KLF12: variants seen among roughly 807,000 people sequenced by gnomAD.
The protein encoded by KLF12 is KLF transcription factor 12.
Under a neutral mutation model 37.8 loss-of-function variants are expected in KLF12, and 9 were observed. That is an observed-to-expected ratio of 0.24 (90% CI 0.14 to 0.42). The LOEUF (loss-of-function observed/expected upper bound fraction) is 0.42. Among genes scored for constraint, KLF12 ranks in the 10% least tolerant of loss-of-function variants. The pLI is 1.00. For missense variants in KLF12, 411 were observed against 516.0 expected (o/e 0.80, Z 1.97); for synonymous variants, 208 against 202.1 (o/e 1.03, Z -0.25).
intron 3 of KLF12, among the ~76,000 whole-genome samples, chr13:73,922,857 TG>T (rs1477505691): frequency 6.6e-6 from 1 of 152,184 alleles, no homozygotes; most frequent in Non-Finnish European, 1.5e-5. Context: ...GGCTCCTGAT[TG>T]GCCAGGTTAG....
intron 7 of KLF12, among the ~76,000 whole-genome samples, chr13:73,697,535 A>G (rs1247271914): frequency 1.3e-5 from 2 of 152,226 alleles, no homozygotes. Context: ...GAAAGATTGG[A>G]GGTCTACTAT....
chr13:74,302,838 G>A, the KLF12 span, among the ~76,000 whole-genome samples: 1 of 152,082 alleles, frequency 6.6e-6, no homozygotes, highest in African/African-American at 2.4e-5. Context: ...AGGTGGGGGT[G>A]CTGCTTCCAA....
intron 3 of KLF12, among the ~76,000 whole-genome samples, chr13:73,848,328 A>G (rs1186215853): frequency 6.6e-6 from 1 of 152,046 alleles, no homozygotes; most frequent in Non-Finnish European, 1.5e-5. Context: ...ATAAATGCGG[A>G]CCTTATCTGT....
chr13:74,149,053 G>C, the KLF12 span, among the ~76,000 whole-genome samples: 1 of 152,098 alleles, frequency 6.6e-6, no homozygotes, highest in East Asian at 1.9e-4. Flanking sequence ...GACCTCAGCT[G>C]GTCTGCCAGT....
the KLF12 span, among the ~76,000 whole-genome samples, chr13:74,200,681 T>C: frequency 6.6e-6 from 1 of 152,144 alleles, no homozygotes; most frequent in Non-Finnish European, 1.5e-5. Context: ...ATAGAGATCA[T>C]CAGGACTGGT....
chr13:73,733,240 A>G (rs1877204025), intron 6 of KLF12, among the ~76,000 whole-genome samples: 1 of 152,120 alleles, frequency 6.6e-6, no homozygotes, highest in Non-Finnish European at 1.5e-5. Flanking sequence ...ACCATCACCA[A>G]TATTTACATG....
chr13:73,817,054 C>T (rs1220046595), intron 4 of KLF12, among the ~76,000 whole-genome samples: 2 of 152,152 alleles, frequency 1.3e-5, no homozygotes, highest in African/African-American at 4.8e-5. Flanking sequence ...GTGGCTCACA[C>T]CACTGTAATC....
At chr13:73,980,702 G>A (rs1424445910) in intron 2 of KLF12, among the ~76,000 whole-genome samples, 1 of 152,102 alleles carries the variant, frequency 6.6e-6, no homozygotes, top group Non-Finnish European at 1.5e-5. Context: ...AGAAGCTGAA[G>A]TCCAAATAAT....
intron 1 of KLF12, among the ~76,000 whole-genome samples, chr13:74,060,496 G>GTGTGTGTGTGTGTGTGTGTGTC (rs1873525287): frequency 7.0e-6 from 1 of 141,946 alleles, no homozygotes; most frequent in Non-Finnish European, 1.5e-5. Context: ...GTGTGTGTGT[G>GTGTGTGTGTGTGTGTGTGTGTC]TGTGTGTGTG....
intron 1 of KLF12, among the ~76,000 whole-genome samples, chr13:74,075,314 G>C (rs796854855): frequency 2.0e-5 from 3 of 152,118 alleles, no homozygotes; most frequent in Admixed American, 2.0e-4. Flanking sequence ...CAGATAAAAG[G>C]TAAGCTAGGT....
intron 3 of KLF12, among the ~76,000 whole-genome samples, chr13:73,887,213 T>C (rs1185436574): frequency 2.0e-5 from 3 of 152,136 alleles, no homozygotes; most frequent in Non-Finnish European, 4.4e-5. Flanking sequence ...ATAAATTGTC[T>C]AAAGTCATTC....
At chr13:73,777,306 C>T (rs1880667860) in intron 5 of KLF12, among the ~76,000 whole-genome samples, 1 of 152,102 alleles carries the variant, frequency 6.6e-6, no homozygotes, top group African/African-American at 2.4e-5. Context: ...GGGGTACATC[C>T]CAGAAGGTAC....
At chr13:73,963,284 TACACACACACACACACACAC>T (rs10543490) in intron 2 of KLF12, among the ~76,000 whole-genome samples, 1 of 145,164 alleles carries the variant, frequency 6.9e-6, no homozygotes, top group Non-Finnish European at 1.5e-5. Flanking sequence ...GAGTCATTTA[TACACACACACACACACACAC>T]ACACACACAC....
At chr13:73,908,545 A>T (rs1888422217) in intron 3 of KLF12, among the ~76,000 whole-genome samples, 1 of 147,370 alleles carries the variant, frequency 6.8e-6, no homozygotes, top group Non-Finnish European at 1.5e-5. Flanking sequence ...TGATGGCATG[A>T]TCTCGGCTCA....
chr13:74,258,161 TTGTGTGTGTGTGTGTGTGTGTGTGTG>T, the KLF12 span: 1 of 133,834 alleles, frequency 7.5e-6, no homozygotes, highest in African/African-American at 3.0e-5. Context: ...ATTACTGTGT[TTGTGTGTGTGTGTGTGTGTGTGTGTG>T]TGTGTGTGTG....
intron 3 of KLF12, among the ~76,000 whole-genome samples, chr13:73,930,764 ATTTT>A (rs1368236024): frequency 6.6e-6 from 1 of 151,842 alleles, no homozygotes; most frequent in East Asian, 1.9e-4. Context: ...GACAGTAGCA[ATTTT>A]TTCCTGATAA....
At chr13:73,977,840 A>G (rs1891578456) in intron 2 of KLF12, among the ~76,000 whole-genome samples, 1 of 152,252 alleles carries the variant, frequency 6.6e-6, no homozygotes, top group African/African-American at 2.4e-5. Context: ...ACTAATCTTT[A>G]ACAAAGGTGC....
the KLF12 span, among the ~76,000 whole-genome samples, chr13:74,173,190 A>C: frequency 1.3e-5 from 2 of 152,202 alleles, no homozygotes; most frequent in Non-Finnish European, 2.9e-5. Flanking sequence ...GACAATCATC[A>C]CTGGTCCATA....
rs1185310923 is a variant in KLF12 at position 73,688,817 on chromosome 13, T to A, written c.*6673A>T. On this transcript the variant is annotated 3_prime_UTR_variant, in exon 8 of 8. Coordinates refer to ENST00000377669, the MANE Select transcript of KLF12 (RefSeq NM_007249.5). The stretch of plus-strand genomic sequence containing the variant: ...TAATAAAATTACTGAGAGTCAGGAA[T>A]CTGGGAAGGTGGTTTCGGGACACCC... The A allele has an allele frequency of 6.6e-6, 1 of 152,150 alleles. No homozygotes were observed. The highest frequency in any genetic ancestry group is 1.5e-5 in the Non-Finnish European group (1 of 68,032). The allele number at this position is 152,150 out of a possible 1,614,324, so 9.4% of individuals were successfully genotyped here. A position where few individuals can be genotyped will look rare whatever the true frequency, so the allele number is the denominator to read the frequency against.
Sources: allele counts gnomAD v4.1 joint callset (sites outside exome capture counted in the v4.1 genomes callset), GRCh38; gene constraint gnomAD v4.1.1; transcripts MANE v1.5; gene names NCBI Gene and HGNC (gene_info 2026-07-23, HGNC 2026-07-21).